Variants in LRRC38 observed in about 807,000 individuals in gnomAD.
LRRC38 encodes the protein leucine-rich repeat-containing protein 38.
A neutral mutation model predicts 16.4 loss-of-function variants in LRRC38; 5 were observed. The ratio of observed to expected loss-of-function variants is 0.31; its 90% CI spans 0.16 to 0.64. LRRC38 has a LOEUF of 0.64. Among genes scored for constraint, LRRC38 ranks in the 30% least tolerant of loss-of-function variants. The pLI is 0.80. For missense variants in LRRC38, 341 were observed against 401.8 expected, an observed-to-expected ratio of 0.85 and a Z score of 1.29; for synonymous variants, 191 against 190.2, an observed-to-expected ratio of 1.00 and a Z score of -0.04.
At chr1:13,480,869 G>A (rs1638845216) in intron 1 of LRRC38, among the ~76,000 whole-genome samples, 1 of 152,126 alleles carries the variant, frequency 6.6e-6, no homozygotes. Flanking sequence ...ATACACCCAG[G>A]CTGGTCTGGA....
intron 1 of LRRC38, among the ~76,000 whole-genome samples, chr1:13,481,767 C>T (rs1477147515): frequency 3.3e-4 from 9 of 26,890 alleles, no homozygotes; most frequent in Middle Eastern, 0.013. Flanking sequence ...CTTTCCCTCT[C>T]TCTCCCTCTC....
chr1:13,490,075 C>T (rs1638990003), intron 1 of LRRC38, among the ~76,000 whole-genome samples: 2 of 152,280 alleles, frequency 1.3e-5, no homozygotes, highest in South Asian at 4.1e-4. Context: ...CGAGGAAAAC[C>T]GACTGACTGT....
At chr1:13,511,335 C>T (rs1003374217) in intron 1 of LRRC38, among the ~76,000 whole-genome samples, 13 of 152,104 alleles carry the variant, frequency 8.5e-5, no homozygotes, top group African/African-American at 2.9e-4. Flanking sequence ...CCAGAGTCCC[C>T]CAGATTTTAG....
intron 1 of LRRC38, among the ~76,000 whole-genome samples, chr1:13,504,059 C>T (rs1322923518): frequency 1.3e-5 from 2 of 152,210 alleles, no homozygotes; most frequent in Non-Finnish European, 2.9e-5. Context: ...TTCCTTAGTT[C>T]ATTGGGTTTC....
At chr1:13,509,855 A>G (rs1201130347) in intron 1 of LRRC38, among the ~76,000 whole-genome samples, 1 of 152,156 alleles carries the variant, frequency 6.6e-6, no homozygotes, top group African/African-American at 2.4e-5. Context: ...TGCACCACAG[A>G]GCCAGCGAAA....
chr1:13,508,266 C>T (rs1197676761), intron 1 of LRRC38, among the ~76,000 whole-genome samples: 1 of 152,128 alleles, frequency 6.6e-6, no homozygotes, highest in South Asian at 2.1e-4. Context: ...TAGACTTTCA[C>T]CCTGTGTTTC....
chr1:13,491,884 C>T (rs1639016428), intron 1 of LRRC38, among the ~76,000 whole-genome samples: 1 of 152,152 alleles, frequency 6.6e-6, no homozygotes, highest in Non-Finnish European at 1.5e-5. Context: ...TCATGCTGGC[C>T]AGGCTGGTCT....
At chr1:13,500,969 T>C (rs1348930470) in intron 1 of LRRC38, among the ~76,000 whole-genome samples, 2 of 152,140 alleles carry the variant, frequency 1.3e-5, no homozygotes, top group African/African-American at 2.4e-5. Flanking sequence ...AGTAAAACTA[T>C]TCTGCGTGAT....
chr1:13,513,538 A>G lies in LRRC38; in HGVS notation c.56T>C (p.Leu19Pro). The G allele has an allele frequency of 7.3e-7, 1 of 1,373,026 alleles. No homozygotes were observed. The highest frequency in any genetic ancestry group is 9.4e-7 in the Non-Finnish European group (1 of 1,067,774). The allele number at this position is 1,373,026 out of a possible 1,614,324, so 85.1% of individuals were successfully genotyped here. ...CGCGTGCCCGGGCGCGAGCAGCAGC[A>G]GAAGGCTGCAGAGCCCGAGCGCCGC... Reference protein sequence around the residue: ...AAAALGLCSLLLLLAPGHACP... With the variant: ...AAAALGLCSLPLLLAPGHACP... The change falls in exon 1 of 2, where the codon CTG becomes CCG. Residue 19 changes from leucine (L) to proline (P), a missense_variant. Physicochemically the swap from Leu to Pro is moderately conservative, Grantham distance 98. Coordinates refer to ENST00000376085, the MANE Select transcript of LRRC38 (RefSeq NM_001010847.2).
At chr1:13,481,906 C>A (rs1182544623) in intron 1 of LRRC38, among the ~76,000 whole-genome samples, 6 of 152,046 alleles carry the variant, frequency 3.9e-5, no homozygotes, top group Non-Finnish European at 8.8e-5. Flanking sequence ...CCTGCTGGCA[C>A]CCTGATCTCA....
chr1:13,512,918 C>T (rs1306423949), intron 1 of LRRC38, 45 bp downstream of exon 1: 11 of 1,327,450 alleles, frequency 8.3e-6, no homozygotes, highest in Admixed American at 4.4e-5. Flanking sequence ...GTGGCCTCTC[C>T]CTGCCCCCCT....
At chr1:13,510,036 G>A (rs1036973803) in intron 1 of LRRC38, among the ~76,000 whole-genome samples, 13 of 152,154 alleles carry the variant, frequency 8.5e-5, no homozygotes, top group Non-Finnish European at 1.8e-4. Context: ...CTCAGGTGAC[G>A]CTTTGAGAAA....
chr1:13,502,094 A>AC (rs1639158328), intron 1 of LRRC38, among the ~76,000 whole-genome samples: 1 of 133,896 alleles, frequency 7.5e-6, no homozygotes, highest in Admixed American at 7.6e-5. Context: ...CGCCCAGCCA[A>AC]TTTTTTTTTT....
At chr1:13,495,606 C>A (rs959167436) in intron 1 of LRRC38, among the ~76,000 whole-genome samples, 1 of 151,954 alleles carries the variant, frequency 6.6e-6, no homozygotes, top group Non-Finnish European at 1.5e-5. Context: ...AGGATAGGAA[C>A]GCCAGAAAGA....
chr1:13,501,259 C>T (rs1212778054), intron 1 of LRRC38, among the ~76,000 whole-genome samples: 1 of 151,490 alleles, frequency 6.6e-6, no homozygotes, highest in Non-Finnish European at 1.5e-5. Context: ...ATATATAGTA[C>T]ATATGTATTT....
At chr1:13,493,375 C>A (rs771768032) in intron 1 of LRRC38, among the ~76,000 whole-genome samples, 4 of 152,124 alleles carry the variant, frequency 2.6e-5, no homozygotes, top group African/African-American at 4.8e-5. Flanking sequence ...AATGAGCCTA[C>A]ACAGGTGGAG....
At chr1:13,495,935 T>A (rs115579907) in intron 1 of LRRC38, among the ~76,000 whole-genome samples, 4,238 of 152,118 alleles carry the variant, frequency 0.028, 89 homozygotes, top group Non-Finnish European at 0.046. Flanking sequence ...CTTTTGAGAG[T>A]TGAACATCAA....
At chr1:13,495,995 C>A (rs779525318) in intron 1 of LRRC38, among the ~76,000 whole-genome samples, 1 of 152,012 alleles carries the variant, frequency 6.6e-6, no homozygotes, top group African/African-American at 2.4e-5. Flanking sequence ...GAGTGTCTGA[C>A]ATTTTCTAAT....
At chr1:13,501,496 A>C (rs1187252060) in intron 1 of LRRC38, among the ~76,000 whole-genome samples, 1 of 149,638 alleles carries the variant, frequency 6.7e-6, no homozygotes. Flanking sequence ...CCAACTTCCA[A>C]CTCCTGGGTT....
Sources: allele counts gnomAD v4.1 joint callset (sites outside exome capture counted in the v4.1 genomes callset), GRCh38; gene constraint gnomAD v4.1.1; transcripts MANE v1.5; gene names NCBI Gene and HGNC (gene_info 2026-07-23, HGNC 2026-07-21).